CTNNA3: variants seen among roughly 807,000 people sequenced by gnomAD.
CTNNA3 encodes catenin alpha-3.
In CTNNA3, 76 loss-of-function variants were observed where a neutral mutation model predicts 95.7. The ratio of observed to expected loss-of-function variants is 0.79; its 90% CI spans 0.66 to 0.96. The LOEUF (loss-of-function observed/expected upper bound fraction) is 0.96. Ranked by LOEUF, CTNNA3 falls within the 40% of genes least tolerant of loss-of-function variation. The probability of loss-of-function intolerance (pLI) is 0.00; values close to 1 mark genes in which losing one functional copy is unlikely to be tolerated. For missense variants in CTNNA3, 1,191 were observed against 1,089.8 expected, an observed-to-expected ratio of 1.09 and a Z score of -1.31; for synonymous variants, 431 against 374.4, an observed-to-expected ratio of 1.15 and a Z score of -1.74.
chr10:66,016,231 C>G (rs557457318), intron 15 of CTNNA3, among the ~76,000 whole-genome samples: 2 of 152,138 alleles, frequency 1.3e-5, no homozygotes, highest in African/African-American at 4.8e-5. Flanking sequence ...ATTTATGTAA[C>G]CAGCCAGAAG....
chr10:66,499,693 T>C (rs1472573293), intron 11 of CTNNA3, among the ~76,000 whole-genome samples: 2 of 152,190 alleles, frequency 1.3e-5, no homozygotes, highest in Non-Finnish European at 2.9e-5. Flanking sequence ...GTTAATATTA[T>C]GTGTGATTAT....
intron 9 of CTNNA3, among the ~76,000 whole-genome samples, chr10:66,637,274 C>A (rs1379661414): frequency 6.6e-6 from 1 of 152,128 alleles, no homozygotes; most frequent in Non-Finnish European, 1.5e-5. Flanking sequence ...ACAATACTTC[C>A]TATGTATTTA....
At chr10:67,274,603 G>A (rs982652413) in intron 5 of CTNNA3, among the ~76,000 whole-genome samples, 6 of 152,052 alleles carry the variant, frequency 3.9e-5, no homozygotes, top group Admixed American at 6.6e-5. Flanking sequence ...TGAGGCCAGC[G>A]GATTGCTTGA....
chr10:66,773,044 G>A (rs144727092), intron 8 of CTNNA3, among the ~76,000 whole-genome samples: 1 of 152,198 alleles, frequency 6.6e-6, no homozygotes, highest in Non-Finnish European at 1.5e-5. Context: ...AAGAAGTAGA[G>A]ATAACTTATA....
chr10:65,914,715 T>C lies in CTNNA3; in HGVS notation c.*5615A>G, dbSNP rs1467742278. On this transcript the variant is annotated 3_prime_UTR_variant, in exon 18 of 18. Transcript: ENST00000433211. ...TAACCAACCAATACTGAAGATGGGC[T>C]GAAACAGGCATTTCATTGAAGCTTT... 2.0e-5 allele frequency: 3 copies of C among 152,166 alleles called. No individual in the cohort carries two copies. The highest frequency in any genetic ancestry group is 4.4e-5 in the Non-Finnish European group (3 of 68,026). The allele number at this position is 152,166 out of a possible 1,614,324, so 9.4% of individuals were successfully genotyped here. A position where few individuals can be genotyped will look rare whatever the true frequency, so the allele number is the denominator to read the frequency against.
At chr10:67,081,645 G>A (rs1270027640) in intron 7 of CTNNA3, among the ~76,000 whole-genome samples, 2 of 152,170 alleles carry the variant, frequency 1.3e-5, no homozygotes, top group African/African-American at 4.8e-5. Context: ...ACCTGTCACT[G>A]TTGCTCCATA....
intron 13 of CTNNA3, among the ~76,000 whole-genome samples, chr10:66,217,958 C>T (rs1374714404): frequency 6.6e-6 from 1 of 152,212 alleles, no homozygotes; most frequent in Non-Finnish European, 1.5e-5. Flanking sequence ...CACCTGCGCA[C>T]TAGGGGAAGG....
At chr10:67,309,290 C>T (rs1840685531) in intron 5 of CTNNA3, among the ~76,000 whole-genome samples, 1 of 152,132 alleles carries the variant, frequency 6.6e-6, no homozygotes, top group African/African-American at 2.4e-5. Context: ...AATTATACTA[C>T]TCACTCACCA....
At chr10:67,522,883 T>G (rs1351464492) in intron 4 of CTNNA3, among the ~76,000 whole-genome samples, 1 of 152,188 alleles carries the variant, frequency 6.6e-6, no homozygotes, top group African/African-American at 2.4e-5. Context: ...TTATGTCATT[T>G]ATTTCCCATA....
intron 11 of CTNNA3, among the ~76,000 whole-genome samples, chr10:66,471,549 C>T (rs1839132674): frequency 6.6e-6 from 1 of 151,696 alleles, no homozygotes; most frequent in Admixed American, 6.6e-5. Context: ...TTTACATCAA[C>T]AATTTTCACG....
intron 7 of CTNNA3, among the ~76,000 whole-genome samples, chr10:66,903,391 G>T (rs1845840593): frequency 1.3e-5 from 2 of 152,254 alleles, no homozygotes; most frequent in African/African-American, 4.8e-5. Flanking sequence ...AATAATAGGA[G>T]CTATTTATGA....
intron 13 of CTNNA3, among the ~76,000 whole-genome samples, chr10:66,189,868 A>T (rs1285153467): frequency 6.6e-6 from 1 of 151,874 alleles, no homozygotes; most frequent in East Asian, 1.9e-4. Flanking sequence ...CAAATGAGTA[A>T]TTCTCTAATT....
chr10:65,913,598 T>C lies in CTNNA3; in HGVS notation c.*6732A>G, dbSNP rs1249296326. The C allele has an allele frequency of 1.3e-5, 2 of 152,122 alleles. No homozygotes were observed. The highest frequency in any genetic ancestry group is 2.9e-5 in the Non-Finnish European group (2 of 68,018). 9.4% of individuals were successfully genotyped at this position (152,122 alleles called of 1,614,324 possible). A position where few individuals can be genotyped will look rare whatever the true frequency, so the allele number is the denominator to read the frequency against. On this transcript the variant is annotated 3_prime_UTR_variant, in exon 18 of 18. Transcript: ENST00000433211. Reference sequence around the variant, plus strand: ...CACAATGTATACTAACATGTAAAAATACAGCATTATAATGGTATAAGATTT... The same window carrying C: ...CACAATGTATACTAACATGTAAAAACACAGCATTATAATGGTATAAGATTT...
chr10:67,167,752 T>C (rs1861839645), intron 7 of CTNNA3, among the ~76,000 whole-genome samples: 1 of 152,172 alleles, frequency 6.6e-6, no homozygotes, highest in African/African-American at 2.4e-5. Flanking sequence ...GACAGCATGG[T>C]GAGGTAGCTC....
chr10:67,410,722 C>T (rs1845334015), intron 5 of CTNNA3, among the ~76,000 whole-genome samples: 1 of 151,700 alleles, frequency 6.6e-6, no homozygotes, highest in South Asian at 2.1e-4. Flanking sequence ...TAGGTATATA[C>T]CCAAAGTAAA....
chr10:66,432,845 G>A (rs2093308572), intron 11 of CTNNA3, among the ~76,000 whole-genome samples: 1 of 151,982 alleles, frequency 6.6e-6, no homozygotes, highest in African/African-American at 2.4e-5. Context: ...TCCTTTCCCT[G>A]TGCCCATATG....
At chr10:67,460,433 A>T (rs79301263) in intron 5 of CTNNA3, among the ~76,000 whole-genome samples, 4,796 of 152,246 alleles carry the variant, frequency 0.032, 214 homozygotes, top group African/African-American at 0.098. Flanking sequence ...AAATTAAATA[A>T]ATTTGCCCAA....
intron 11 of CTNNA3, among the ~76,000 whole-genome samples, chr10:66,442,208 T>C (rs908912910): frequency 1.3e-5 from 2 of 152,274 alleles, no homozygotes; most frequent in East Asian, 3.9e-4. Context: ...ATTTAAAGTA[T>C]ACAGGGAGAT....
At chr10:66,109,849 A>T (rs1182996111) in intron 13 of CTNNA3, among the ~76,000 whole-genome samples, 3 of 140,242 alleles carry the variant, frequency 2.1e-5, no homozygotes, top group African/African-American at 8.6e-5. Flanking sequence ...TGCACATGTA[A>T]CCTAAAACTT....
Sources: gnomAD v4.1 joint callset for allele counts (sites outside exome capture counted in the v4.1 genomes callset) on GRCh38, gnomAD v4.1.1 for gene constraint, MANE v1.5 for transcripts, NCBI Gene and HGNC (gene_info 2026-07-23, HGNC 2026-07-21) for gene names.